Variants in CDH2 observed in about 807,000 individuals in gnomAD.
CDH2 encodes the protein cadherin 2.
Under a neutral mutation model 92.0 loss-of-function variants are expected in CDH2, and 17 were observed. That is an observed-to-expected ratio of 0.18 (90% CI 0.13 to 0.28). The LOEUF (loss-of-function observed/expected upper bound fraction) is 0.28, where lower values mean the gene tolerates loss of function less well. Ranked by LOEUF, CDH2 falls within the 10% of genes least tolerant of loss-of-function variation. The probability of loss-of-function intolerance (pLI) is 1.00; values close to 1 mark genes in which losing one functional copy is unlikely to be tolerated. For missense variants in CDH2, 862 were observed against 1,133.1 expected, an observed-to-expected ratio of 0.76 and a Z score of 3.44; for synonymous variants, 419 against 415.9, an observed-to-expected ratio of 1.01 and a Z score of -0.09.
intron 6 of CDH2, among the ~76,000 whole-genome samples, chr18:27,933,502 G>C (rs575962533): frequency 1.3e-5 from 2 of 152,198 alleles, no homozygotes; most frequent in Admixed American, 1.3e-4. Flanking sequence ...TGAATATTAT[G>C]ATTTTGCTAC....
intron 2 of CDH2, among the ~76,000 whole-genome samples, chr18:28,080,793 T>A (rs1389171577): frequency 3.3e-5 from 5 of 152,182 alleles, no homozygotes; most frequent in Non-Finnish European, 1.5e-5. Flanking sequence ...CATACAATCT[T>A]GTGAACGGCT....
intron 1 of CDH2, among the ~76,000 whole-genome samples, chr18:28,159,654 TTTTG>T (rs1351386583): frequency 1.0e-4 from 15 of 145,662 alleles, no homozygotes; most frequent in Non-Finnish European, 1.9e-4. Flanking sequence ...CCTGCAATTT[TTTTG>T]TTTTTTTTTT....
intron 2 of CDH2, among the ~76,000 whole-genome samples, chr18:28,100,559 T>C (rs2144231565): frequency 6.6e-6 from 1 of 152,340 alleles, no homozygotes; most frequent in South Asian, 2.1e-4. Flanking sequence ...TCGGTTTCTC[T>C]GGAGAACCTT....
intron 3 of CDH2, 63 bp from the exon 4 acceptor site, chr18:28,012,055 A>G: frequency 1.5e-6 from 2 of 1,331,164 alleles, no homozygotes; most frequent in South Asian, 1.3e-5. Context: ...AAGTACATCA[A>G]TATTATTGAA....
At position 27,945,322 on chromosome 18, in the gene CDH2, G is replaced by GGT. The variant is rs1909243196; in HGVS notation, c.1152-12199_1152-12198insAC. 3.0e-3 allele frequency among the ~76,000 whole-genome samples: 187 copies of GGT among 62,800 alleles called. 1 individual carries two copies. The highest frequency in any genetic ancestry group is 4.4e-3 in the Non-Finnish European group (158 of 36,210). The allele number at this position is 62,800 out of a possible 152,430, so 41.2% of individuals were successfully genotyped here. ...TCAACTGATACTTTCCAGGAAGGAAGATTTTTTTTTTTTTTTTTTTTTTTT... is the reference window on the plus strand; with the variant it reads ...TCAACTGATACTTTCCAGGAAGGAAGGTATTTTTTTTTTTTTTTTTTTTTTTT... On this transcript the variant is annotated intron_variant, in intron 6 of 6. Transcript: ENST00000675173.
intron 2 of CDH2, among the ~76,000 whole-genome samples, chr18:28,145,831 A>C (rs890655059): frequency 1.3e-5 from 2 of 148,848 alleles, no homozygotes; most frequent in Admixed American, 6.7e-5. Context: ...AAAACTGTTT[A>C]AAAAAAAAAG....
intron 2 of CDH2, among the ~76,000 whole-genome samples, chr18:28,073,424 T>G (rs559606230): frequency 7.0e-6 from 1 of 143,686 alleles, no homozygotes; most frequent in African/African-American, 2.6e-5. Context: ...TAGTTGATTG[T>G]TTTTTCCTTG....
In CDH2 at chr18:28,104,692, A is replaced by ATATCTATCTATCTATC. The variant is rs5823586; in HGVS notation, c.172+42965_172+42980dup. On this transcript the variant is annotated intron_variant, in intron 2 of 15. Coordinates refer to ENST00000269141, the MANE Select transcript of CDH2 (RefSeq NM_001792.5). ...TAAACATACATATAGATGCAAATAC[A>ATATCTATCTATCTATC]TATCTATCTATCTATCTATCTATCT... Among the ~76,000 whole-genome samples the ATATCTATCTATCTATC allele has an allele frequency of 4.1e-3, 605 of 148,454 alleles. 6 individuals carry two copies. Among genetic ancestry groups the ATATCTATCTATCTATC allele is most frequent in the East Asian group, 0.012 (60 of 4,872 alleles).
intron 1 of CDH2, among the ~76,000 whole-genome samples, chr18:28,159,709 T>C (rs932193795): frequency 2.7e-5 from 4 of 149,750 alleles, no homozygotes; most frequent in Non-Finnish European, 4.4e-5. Flanking sequence ...CAGGCTGGAG[T>C]GCAGTGGCGT....
intron 1 of CDH2, among the ~76,000 whole-genome samples, chr18:28,170,499 T>C (rs1216286065): frequency 6.6e-6 from 1 of 152,110 alleles, no homozygotes. Context: ...GTGCCTACCA[T>C]CATGCCCAGC....
At chr18:28,107,836 C>A (rs369938307) in intron 2 of CDH2, among the ~76,000 whole-genome samples, 2 of 151,992 alleles carry the variant, frequency 1.3e-5, no homozygotes, top group Non-Finnish European at 2.9e-5. Flanking sequence ...CTTCTAGCCC[C>A]GCTAACACTT....
At chr18:27,942,006 G>A (rs780185414) in intron 6 of CDH2, among the ~76,000 whole-genome samples, 13 of 152,042 alleles carry the variant, frequency 8.6e-5, no homozygotes, top group Non-Finnish European at 1.5e-4. Flanking sequence ...TGACTATAAG[G>A]GCCAAATAAA....
At chr18:28,103,506 C>T (rs201875858) in intron 2 of CDH2, among the ~76,000 whole-genome samples, 1 of 150,388 alleles carries the variant, frequency 6.6e-6, no homozygotes, top group South Asian at 2.1e-4. Context: ...CACATATATA[C>T]ACACACACAC....
intron 14 of CDH2, among the ~76,000 whole-genome samples, chr18:27,979,362 G>C (rs2011962899): frequency 6.6e-6 from 1 of 152,132 alleles, no homozygotes; most frequent in African/African-American, 2.4e-5. Context: ...GGAGCAATTG[G>C]GACTTTCATG....
intron 2 of CDH2, among the ~76,000 whole-genome samples, chr18:28,081,810 T>C (rs1238481571): frequency 6.6e-6 from 1 of 152,206 alleles, no homozygotes; most frequent in Non-Finnish European, 1.5e-5. Flanking sequence ...GAACTTCATA[T>C]ATAAGTTAGC....
chr18:28,009,455 A>G (rs1167240358), intron 5 of CDH2, among the ~76,000 whole-genome samples: 1 of 152,224 alleles, frequency 6.6e-6, no homozygotes, highest in Non-Finnish European at 1.5e-5. Flanking sequence ...TCTGAAAGCA[A>G]GTATCAATAT....
At chr18:28,044,372 T>C (rs2144113237) in intron 2 of CDH2, among the ~76,000 whole-genome samples, 1 of 152,314 alleles carries the variant, frequency 6.6e-6, no homozygotes, top group South Asian at 2.1e-4. Context: ...GGTATATTCT[T>C]CCAGTAAACA....
intron 2 of CDH2, among the ~76,000 whole-genome samples, chr18:28,065,401 A>G (rs928154316): frequency 2.0e-5 from 3 of 152,220 alleles, no homozygotes; most frequent in African/African-American, 7.2e-5. Flanking sequence ...AGAAGTAATT[A>G]ACAAAAACGG....
At chr18:28,089,073 C>A (rs1425761059) in intron 2 of CDH2, among the ~76,000 whole-genome samples, 1 of 152,098 alleles carries the variant, frequency 6.6e-6, no homozygotes, top group Non-Finnish European at 1.5e-5. Flanking sequence ...AGAAGTATAA[C>A]AGAAAAGAGA....
Sources: allele counts gnomAD v4.1 joint callset (sites outside exome capture counted in the v4.1 genomes callset), GRCh38; gene constraint gnomAD v4.1.1; transcripts MANE v1.5; gene names NCBI Gene and HGNC (gene_info 2026-07-23, HGNC 2026-07-21).